SLC33A1: variants seen among roughly 807,000 people sequenced by gnomAD.
SLC33A1 encodes the protein acetyl-coenzyme A transporter 1.
In SLC33A1, 20 loss-of-function variants were observed where a neutral mutation model predicts 50.0. The ratio of observed to expected loss-of-function variants is 0.40; its 90% CI spans 0.28 to 0.58. The LOEUF is 0.58. Ranked by LOEUF, SLC33A1 falls within the 20% of genes least tolerant of loss-of-function variation. The pLI is 0.44. For missense variants in SLC33A1, 476 were observed against 657.0 expected, an observed-to-expected ratio of 0.72 and a Z score of 3.01; for synonymous variants, 265 against 251.8, an observed-to-expected ratio of 1.05 and a Z score of -0.50.
chr3:155,853,146 A>C (rs1753468775), intron 1 of SLC33A1, 77 bp downstream of exon 1: 2 of 1,308,982 alleles, frequency 1.5e-6, no homozygotes, highest in African/African-American at 1.5e-5. Context: ...CAGTAAATTA[A>C]TGAGCTTCCC....
chr3:155,837,437 T>C (rs764776415), intron 2 of SLC33A1, among the ~76,000 whole-genome samples: 1 of 152,080 alleles, frequency 6.6e-6, no homozygotes, highest in Admixed American at 6.5e-5. Flanking sequence ...CTTACACTGC[T>C]GGTGGTAGGG....
chr3:155,846,249 T>G (rs1753169832), intron 1 of SLC33A1, among the ~76,000 whole-genome samples: 2 of 152,304 alleles, frequency 1.3e-5, no homozygotes, highest in African/African-American at 2.4e-5. Flanking sequence ...GGAAACAGAA[T>G]CACAAGCCAG....
At position 155,842,598 on chromosome 3, in the gene SLC33A1, G is replaced by C. The variant is rs374979946; in HGVS notation, c.797C>G (p.Thr266Ser). Residue 266 changes from threonine (T) to serine (S), a missense_variant, in exon 2 of 6, where the codon ACT becomes AGT. Physicochemically the swap from Thr to Ser is moderately conservative, Grantham distance 58 (BLOSUM62 1). Transcript: ENST00000643144. Reference protein sequence around the residue: ...TLSDFLFFWGTVFLITTTLVA... With the variant: ...TLSDFLFFWGSVFLITTTLVA... ...CAATGTTGTTGTTATTAAAAATACA[G>C]TTCCCCAGAAAAAAAGGAAATCTGA... 1.9e-6 allele frequency: 3 copies of C among 1,561,106 alleles called. No individual in the cohort carries two copies. The highest frequency in any genetic ancestry group is 3.8e-5 in the Admixed American group (2 of 52,054).
intron 2 of SLC33A1, among the ~76,000 whole-genome samples, chr3:155,834,801 A>ATCT (rs1262719259): frequency 6.6e-6 from 1 of 152,160 alleles, no homozygotes; most frequent in Non-Finnish European, 1.5e-5. Context: ...TACTTCTTTG[A>ATCT]TCTTCCTGTC....
At chr3:155,830,075 C>T (rs1036780914) in intron 4 of SLC33A1, among the ~76,000 whole-genome samples, 172 bp from the exon 5 acceptor site, 1 of 151,892 alleles carries the variant, frequency 6.6e-6, no homozygotes, top group Non-Finnish European at 1.5e-5. Context: ...AAGATCACAG[C>T]AATACAGGCC....
At chr3:155,847,897 C>A (rs560866291) in intron 1 of SLC33A1, among the ~76,000 whole-genome samples, 2 of 152,138 alleles carry the variant, frequency 1.3e-5, no homozygotes, top group Non-Finnish European at 2.9e-5. Context: ...CCTGTATGTG[C>A]GTGCCTATTT....
intron 2 of SLC33A1, among the ~76,000 whole-genome samples, chr3:155,837,830 T>C (rs904576249): frequency 6.6e-6 from 1 of 152,182 alleles, no homozygotes; most frequent in African/African-American, 2.4e-5. Context: ...ATCTGTAGTA[T>C]TAAAAGTTAG....
chr3:155,843,022 A>AT (rs1560019164), intron 1 of SLC33A1: 1 of 96,408 alleles, frequency 1.0e-5, no homozygotes, highest in Non-Finnish European at 2.6e-5. Context: ...AAAAAAAAAA[A>AT]GTCAACATTT....
intron 2 of SLC33A1, among the ~76,000 whole-genome samples, chr3:155,834,300 T>C (rs1286632568): frequency 2.0e-5 from 3 of 152,130 alleles, no homozygotes; most frequent in Non-Finnish European, 4.4e-5. Context: ...TACAACTAAA[T>C]TTCCACTTCA....
At chr3:155,835,957 G>A (rs1412901284) in intron 2 of SLC33A1, among the ~76,000 whole-genome samples, 1 of 151,592 alleles carries the variant, frequency 6.6e-6, no homozygotes, top group African/African-American at 2.4e-5. Flanking sequence ...AGACCACAAG[G>A]CCACTTCAAT....
rs1752368126 is a variant in SLC33A1, at chr3:155,830,241, C to T, written c.1267-338G>A. Among the ~76,000 whole-genome samples the T allele has an allele frequency of 2.6e-5, 4 of 151,214 alleles. No homozygotes were observed. In the South Asian group the frequency reaches 6.3e-4, roughly 24 times the overall value. On this transcript the variant is annotated intron_variant, in intron 4 of 5. Transcript: ENST00000643144. ...AAAAAAAAATAGCCGGATGTGGTGGCAGGCGCCTGTAGTCCCAGCTACTTG... is the reference window on the plus strand; with the variant it reads ...AAAAAAAAATAGCCGGATGTGGTGGTAGGCGCCTGTAGTCCCAGCTACTTG...
rs1752162664 is a variant in SLC33A1 at position 155,824,663 on chromosome 3, T to C, written c.*3547A>G. 1 of 152,116 alleles carries C rather than the reference T, an allele frequency of 6.6e-6. No homozygotes were observed. The highest frequency in any genetic ancestry group is 2.1e-4 in the South Asian group (1 of 4,830). The allele number at this position is 152,116 out of a possible 1,614,324, so 9.4% of individuals were successfully genotyped here. A position where few individuals can be genotyped will look rare whatever the true frequency, so the allele number is the denominator to read the frequency against. ...ACACTTTCACAACTATTACCTCAGA[T>C]TTGTGATTATGGCTTATAGTACGGT... is the stretch of plus-strand genomic sequence containing the variant. On this transcript the variant is annotated 3_prime_UTR_variant, in exon 6 of 6. Coordinates refer to ENST00000643144, the MANE Select transcript of SLC33A1 (RefSeq NM_004733.4).
Position 155,829,701 on chromosome 3 carries a change from G to C in SLC33A1, c.1469C>G (p.Pro490Arg). The C allele has an allele frequency of 6.2e-7, 1 of 1,610,912 alleles. No individual in the cohort carries two copies. The highest frequency in any genetic ancestry group is 1.1e-5 in the South Asian group (1 of 91,016). The change falls in exon 5 of 6, where the codon CCT (proline) becomes CGT (arginine). Residue 490 changes from proline (P) to arginine (R), a missense_variant. Coordinates refer to ENST00000643144, the MANE Select transcript of SLC33A1 (RefSeq NM_004733.4). Reference sequence around the variant, plus strand: ...AAACATACTTACCTCAACAGCATCAGGTGTTCGACAATTCTGGTTTGATGC... The same window carrying C: ...AAACATACTTACCTCAACAGCATCACGTGTTCGACAATTCTGGTTTGATGC... ...VGASNQNCRT[P>R]DAVELCKKLG...
Position 155,821,767 on chromosome 3 carries a change from CATTT to C in SLC33A1, c.*6439_*6442del, listed in dbSNP as rs1194149967. On this transcript the variant is annotated 3_prime_UTR_variant, in exon 6 of 6. Transcript: ENST00000643144. ...AGACGTGAGCCACTGGACCCGGCCG[CATTT>C]TTTTTTTTTTTTTTTAATTGAGACT... 6.7e-3 allele frequency: 848 copies of C among 127,266 alleles called. 7 individuals are homozygous for C. The highest frequency in any genetic ancestry group is 0.017 in the South Asian group (74 of 4,424). The allele number at this position is 127,266 out of a possible 1,614,324, so 7.9% of individuals were successfully genotyped here.
chr3:155,844,457 ATTTTTT>A (rs869180951), intron 1 of SLC33A1, among the ~76,000 whole-genome samples: 173 of 33,304 alleles, frequency 5.2e-3, no homozygotes, highest in African/African-American at 0.015. Flanking sequence ...ATATATATAT[ATTTTTT>A]TTTTTTTTTT....
rs1752116723 is a variant in SLC33A1 at position 155,822,588 on chromosome 3, A to AG, written c.*5621_*5622insC. ...GCAAGACTCCATCTCAAAAAAAAAA[A>AG]AAAAAAGAAATTTAAGATAACTCCC... On this transcript the variant is annotated 3_prime_UTR_variant, in exon 6 of 6. Transcript: ENST00000643144. The AG allele has an allele frequency of 6.6e-6, 1 of 151,788 alleles. No individual in the cohort carries two copies. Among genetic ancestry groups the AG allele is most frequent in the African/African-American group, 2.4e-5 (1 of 41,210 alleles). The allele number at this position is 151,788 out of a possible 1,614,324, so 9.4% of individuals were successfully genotyped here.
chr3:155,826,501 T>C lies in SLC33A1; in HGVS notation c.*1709A>G, dbSNP rs1181819008. 6.6e-6 allele frequency: 1 copy of C among 152,112 alleles called. No homozygotes were observed. 9.4% of individuals were successfully genotyped at this position (152,112 alleles called of 1,614,324 possible). A position where few individuals can be genotyped will look rare whatever the true frequency, so the allele number is the denominator to read the frequency against. On this transcript the variant is annotated 3_prime_UTR_variant, in exon 6 of 6. Coordinates refer to ENST00000643144, the MANE Select transcript of SLC33A1 (RefSeq NM_004733.4). ...AGTTTCTTAATCCAAAAATTAAAAA[T>C]CAAAACACATTTCATATGTAAGAGT...
chr3:155,842,719 A>T, intron 1 of SLC33A1, 100 bp from the exon 2 acceptor site: 5 of 744,730 alleles, frequency 6.7e-6, no homozygotes, highest in Admixed American at 6.5e-5. Context: ...AATGTTATTT[A>T]AAAAATTAGC....
chr3:155,833,128 A>C (rs1265347050), intron 4 of SLC33A1, among the ~76,000 whole-genome samples: 1 of 152,116 alleles, frequency 6.6e-6, no homozygotes, highest in African/African-American at 2.4e-5. Context: ...ACGTGCCTGT[A>C]ATCCTAGCTA....
Sources: allele counts gnomAD v4.1 joint callset (sites outside exome capture counted in the v4.1 genomes callset), GRCh38; gene constraint gnomAD v4.1.1; transcripts MANE v1.5; gene names NCBI Gene and HGNC (gene_info 2026-07-23, HGNC 2026-07-21).